Variants in FOXP2 observed in about 807,000 individuals in gnomAD.
FOXP2 encodes forkhead box protein P2.
A neutral mutation model predicts 115.8 loss-of-function variants in FOXP2; 12 were observed. The ratio of observed to expected loss-of-function variants is 0.10; its 90% CI spans 0.07 to 0.17. The LOEUF is 0.17. Among genes scored for constraint, FOXP2 ranks in the 10% least tolerant of loss-of-function variants. The pLI, the probability that FOXP2 is intolerant of heterozygous loss-of-function variation, is 1.00. For missense variants in FOXP2, 629 were observed against 843.5 expected, an observed-to-expected ratio of 0.75 and a Z score of 3.15; for synonymous variants, 328 against 297.7, an observed-to-expected ratio of 1.10 and a Z score of -1.05.
chr7:114,591,999 C>T (rs1270854950), intron 3 of FOXP2, among the ~76,000 whole-genome samples: 1 of 152,052 alleles, frequency 6.6e-6, no homozygotes, highest in African/African-American at 2.4e-5. Context: ...CCATGTGTGG[C>T]TAGTGGCTAC....
chr7:114,507,063 A>T (rs1202131777), intron 2 of FOXP2, among the ~76,000 whole-genome samples: 5 of 151,844 alleles, frequency 3.3e-5, no homozygotes, highest in African/African-American at 1.2e-4. Context: ...CATCTCTAAA[A>T]ATAAATACTG....
chr7:114,685,801 T>C (rs964766512), intron 16 of FOXP2, among the ~76,000 whole-genome samples: 7 of 152,132 alleles, frequency 4.6e-5, no homozygotes, highest in African/African-American at 1.4e-4. Flanking sequence ...CTAATAACAG[T>C]TACAATGTTC....
intron 3 of FOXP2, among the ~76,000 whole-genome samples, chr7:114,563,114 C>T (rs191856621): frequency 2.0e-5 from 3 of 152,298 alleles, no homozygotes; most frequent in South Asian, 2.1e-4. Flanking sequence ...GTCATGAGAA[C>T]AGTATGGGAA....
chr7:114,273,048 CT>C (rs1239580990), intron 1 of FOXP2, among the ~76,000 whole-genome samples: 6 of 151,794 alleles, frequency 4.0e-5, no homozygotes, highest in African/African-American at 9.7e-5. Context: ...GATTTCATAT[CT>C]TTTTTTCTTT....
At chr7:114,474,861 A>G (rs934125297) in intron 2 of FOXP2, among the ~76,000 whole-genome samples, 1 of 151,872 alleles carries the variant, frequency 6.6e-6, no homozygotes, top group African/African-American at 2.4e-5. Context: ...GCATCTCTTG[A>G]CTTGTTCCAG....
chr7:114,253,833 T>G (rs2129169977), intron 1 of FOXP2, among the ~76,000 whole-genome samples: 1 of 152,370 alleles, frequency 6.6e-6, no homozygotes, highest in East Asian at 1.9e-4. Context: ...GATCCTGTCA[T>G]TATGATGTTA....
At chr7:114,573,933 G>T (rs534655725) in intron 3 of FOXP2, among the ~76,000 whole-genome samples, 3 of 151,768 alleles carry the variant, frequency 2.0e-5, no homozygotes, top group African/African-American at 4.8e-5. Flanking sequence ...AGATATAATT[G>T]TATCAATTTA....
intron 2 of FOXP2, among the ~76,000 whole-genome samples, chr7:114,515,486 T>A (rs1196436772): frequency 2.0e-5 from 3 of 152,214 alleles, no homozygotes; most frequent in Non-Finnish European, 4.4e-5. Flanking sequence ...GAGCATTTTT[T>A]CATGTGTTTT....
intron 2 of FOXP2, among the ~76,000 whole-genome samples, chr7:114,468,235 G>A (rs1341728481): frequency 1.3e-5 from 2 of 151,934 alleles, no homozygotes; most frequent in African/African-American, 4.8e-5. Flanking sequence ...TAGAATCCTA[G>A]GAGTCATTTT....
chr7:114,104,944 A>G (rs746970952), intron 1 of FOXP2, among the ~76,000 whole-genome samples: 2 of 152,074 alleles, frequency 1.3e-5, no homozygotes, highest in Non-Finnish European at 2.9e-5. Context: ...GATTCATAGT[A>G]ATAATTTAGG....
At chr7:114,184,876 A>G (rs1348987944) in intron 1 of FOXP2, among the ~76,000 whole-genome samples, 1 of 152,190 alleles carries the variant, frequency 6.6e-6, no homozygotes, top group Non-Finnish European at 1.5e-5. Context: ...AGCAATGAAT[A>G]ACAAGGAAAT....
intron 2 of FOXP2, among the ~76,000 whole-genome samples, chr7:114,493,572 A>G (rs762871117): frequency 1.6e-4 from 24 of 152,124 alleles, no homozygotes; most frequent in Non-Finnish European, 2.8e-4. Context: ...AGAGATCAAT[A>G]TCATTTATGT....
chr7:114,338,732 G>T (rs1791116291), intron 2 of FOXP2, among the ~76,000 whole-genome samples: 1 of 139,404 alleles, frequency 7.2e-6, no homozygotes, highest in Non-Finnish European at 1.6e-5. Flanking sequence ...CAAAAACTGA[G>T]TTCTTGTCAA....
chr7:114,440,740 A>G (rs769149086), intron 2 of FOXP2, among the ~76,000 whole-genome samples: 3 of 152,212 alleles, frequency 2.0e-5, no homozygotes, highest in Non-Finnish European at 4.4e-5. Context: ...TAACTTTGCC[A>G]TATATCATCC....
Position 114,642,797 on chromosome 7 carries a change from TA to T in FOXP2, c.989+175del, listed in dbSNP as rs1563054386. On this transcript the variant is annotated intron_variant, in intron 7 of 16. Coordinates refer to ENST00000350908, the MANE Select transcript of FOXP2 (RefSeq NM_014491.4). ...TATATATAATATATATATATATATA[TA>T]TATATATATATATATTTTTTTTTTT... Among the ~76,000 whole-genome samples the T allele has an allele frequency of 4.3e-3, 175 of 40,866 alleles. 1 individual carries two copies. Among genetic ancestry groups the T allele is most frequent in the East Asian group, 0.01 (15 of 1,492 alleles). The allele number at this position is 40,866 out of a possible 152,430, so 26.8% of individuals were successfully genotyped here.
chr7:114,646,775 A>C (rs1244811530), intron 8 of FOXP2, among the ~76,000 whole-genome samples: 1 of 152,020 alleles, frequency 6.6e-6, no homozygotes, highest in Non-Finnish European at 1.5e-5. Context: ...AATGTGTTAG[A>C]AATTGGAAAA....
chr7:114,087,580 G>C (rs548568697), upstream of FOXP2, among the ~76,000 whole-genome samples: 1 of 149,556 alleles, frequency 6.7e-6, no homozygotes, highest in African/African-American at 2.4e-5. Flanking sequence ...GGCGGGCAGA[G>C]CGCGGGTCCG....
At chr7:114,097,305 GT>G (rs1799673755) in intron 1 of FOXP2, among the ~76,000 whole-genome samples, 1 of 152,072 alleles carries the variant, frequency 6.6e-6, no homozygotes, top group Non-Finnish European at 1.5e-5. Flanking sequence ...CCACCATCTA[GT>G]TCCTGGTAAC....
chr7:114,364,019 A>G (rs1015395483), intron 2 of FOXP2, among the ~76,000 whole-genome samples: 3 of 152,098 alleles, frequency 2.0e-5, no homozygotes, highest in Non-Finnish European at 4.4e-5. Flanking sequence ...GACTTAAATC[A>G]ACTGAATTAA....
Sources: allele counts gnomAD v4.1 joint callset (sites outside exome capture counted in the v4.1 genomes callset), GRCh38; gene constraint gnomAD v4.1.1; transcripts MANE v1.5; gene names NCBI Gene and HGNC (gene_info 2026-07-23, HGNC 2026-07-21).